The following ADCY2 variants were observed in gnomAD, a reference collection of about 807,000 sequenced individuals.
The protein encoded by ADCY2 is adenylate cyclase type 2.
Under a neutral mutation model 125.2 loss-of-function variants are expected in ADCY2, and 31 were observed. The ratio of observed to expected loss-of-function variants is 0.25; its 90% CI spans 0.19 to 0.33. The LOEUF is 0.33. Among genes scored for constraint, ADCY2 ranks in the 10% least tolerant of loss-of-function variants. ADCY2 has a pLI of 1.00. For synonymous variants in ADCY2, 512 were observed against 548.4 expected (o/e 0.93, Z 0.93); for missense variants, 904 against 1,418.2 (o/e 0.64, Z 5.82).
At chr5:7,637,431 CAAAAAAA>C (rs71591740) in intron 4 of ADCY2, among the ~76,000 whole-genome samples, 3 of 74,638 alleles carry the variant, frequency 4.0e-5, no homozygotes, top group Non-Finnish European at 5.8e-5. Flanking sequence ...GACTCCGTCT[CAAAAAAA>C]AAAAAAAAAA....
chr5:7,741,140 C>G (rs1025845865), intron 14 of ADCY2, among the ~76,000 whole-genome samples: 2 of 151,694 alleles, frequency 1.3e-5, no homozygotes, highest in African/African-American at 4.8e-5. Context: ...ATTTGAAAAT[C>G]TAAATGAAAT....
chr5:7,779,822 A>G (rs894159758), intron 18 of ADCY2, among the ~76,000 whole-genome samples: 1 of 152,306 alleles, frequency 6.6e-6, no homozygotes, highest in South Asian at 2.1e-4. Flanking sequence ...GCCAGAGAGG[A>G]GAGAATGCCC....
chr5:7,561,434 C>T (rs747527628), intron 3 of ADCY2, among the ~76,000 whole-genome samples: 1 of 152,018 alleles, frequency 6.6e-6, no homozygotes, highest in Admixed American at 6.6e-5. Flanking sequence ...CAATGGTAAG[C>T]GTTTGGGTAT....
chr5:7,573,075 C>G (rs977888285), intron 3 of ADCY2, among the ~76,000 whole-genome samples: 4 of 152,074 alleles, frequency 2.6e-5, no homozygotes, highest in African/African-American at 9.7e-5. Flanking sequence ...AAGAAGACGG[C>G]CATCTACAAT....
intron 22 of ADCY2, among the ~76,000 whole-genome samples, chr5:7,810,635 GGTTATCTACCTGA>G (rs1426165751): frequency 1.3e-5 from 2 of 151,360 alleles, no homozygotes; most frequent in Non-Finnish European, 2.9e-5. Context: ...CTGATGAGTG[GGTTATCTACCTGA>G]GTTATCTACC....
intron 2 of ADCY2, among the ~76,000 whole-genome samples, chr5:7,468,713 A>C (rs1420279901): frequency 6.6e-6 from 1 of 152,182 alleles, no homozygotes; most frequent in Non-Finnish European, 1.5e-5. Flanking sequence ...AGAAGTTAGC[A>C]TAAAAGGCAA....
chr5:7,826,908 C>T lies in ADCY2; in HGVS notation c.*37C>T. 6.4e-7 allele frequency: 1 copy of T among 1,573,118 alleles called. No homozygotes were observed. ...CATTTTGGCAAGAAGACTGTATTTT[C>T]AGGAAGGTATCACACACTTTCTGAC... On this transcript the variant is annotated 3_prime_UTR_variant, in exon 25 of 25. Coordinates refer to ENST00000338316, the MANE Select transcript of ADCY2 (RefSeq NM_020546.3).
At chr5:7,530,818 A>G (rs13174252) in intron 3 of ADCY2, among the ~76,000 whole-genome samples, 70,321 of 151,652 alleles carry the variant, frequency 0.46, 17,576 homozygotes, top group South Asian at 0.57. Context: ...GCTCGTTCTC[A>G]TCTCCACGTA....
intron 3 of ADCY2, among the ~76,000 whole-genome samples, chr5:7,538,223 T>G (rs1219416444): frequency 6.6e-6 from 1 of 152,214 alleles, no homozygotes; most frequent in Non-Finnish European, 1.5e-5. Flanking sequence ...AAAGATAGCA[T>G]GATCCATAAT....
At chr5:7,405,103 G>A (rs978661976) in intron 1 of ADCY2, among the ~76,000 whole-genome samples, 6 of 152,182 alleles carry the variant, frequency 3.9e-5, no homozygotes, top group African/African-American at 1.2e-4. Flanking sequence ...TGGGTGGTCA[G>A]TCTAAGGGGA....
At chr5:7,597,846 A>G (rs1223487663) in intron 3 of ADCY2, among the ~76,000 whole-genome samples, 3 of 152,048 alleles carry the variant, frequency 2.0e-5, no homozygotes, top group Non-Finnish European at 4.4e-5. Flanking sequence ...ATTCGTTCTC[A>G]CCCACTCACC....
chr5:7,694,640 G>A (rs1740829176), intron 5 of ADCY2, among the ~76,000 whole-genome samples: 1 of 152,176 alleles, frequency 6.6e-6, no homozygotes, highest in Non-Finnish European at 1.5e-5. Flanking sequence ...ATATTCCATT[G>A]TATGGATAGA....
At chr5:7,789,582 C>G in intron 19 of ADCY2, 60 bp from the exon 20 acceptor site, 1 of 1,507,092 alleles carries the variant, frequency 6.6e-7, no homozygotes, top group Non-Finnish European at 9.0e-7. Context: ...TTTAAAACCT[C>G]CACTCTCTGG....
At position 7,773,030 on chromosome 5, in the gene ADCY2, G is replaced by A. The variant is rs1420640013; in HGVS notation, c.2313G>A (p.Val771=). The part of the protein sequence containing the change: ...LKMLIMMVAL[V]GYNTILLHTH... ...TGTTGATCATGATGGTGGCCTTGGT[G>A]GGCTACAACACCATCCTACTCCACA... Residue 771 remains valine, a synonymous_variant, in exon 18 of 25, where the codon GTG becomes GTA. Transcript: ENST00000338316. 6 of 1,614,128 alleles carry A rather than the reference G, an allele frequency of 3.7e-6. No individual in the cohort carries two copies. The Middle Eastern group carries it at 6.6e-4, about 178-fold the overall frequency.
chr5:7,491,692 T>C (rs1743170645), intron 2 of ADCY2, among the ~76,000 whole-genome samples: 1 of 152,192 alleles, frequency 6.6e-6, no homozygotes, highest in South Asian at 2.1e-4. Flanking sequence ...CTACTTTATG[T>C]AACATATAAG....
chr5:7,412,964 A>G (rs1313066250), intron 1 of ADCY2, among the ~76,000 whole-genome samples: 1 of 152,206 alleles, frequency 6.6e-6, no homozygotes, highest in Non-Finnish European at 1.5e-5. Context: ...AGCATTTACC[A>G]TTCTTGTTGT....
At chr5:7,664,126 C>T (rs1739631579) in intron 4 of ADCY2, among the ~76,000 whole-genome samples, 1 of 152,114 alleles carries the variant, frequency 6.6e-6, no homozygotes, top group African/African-American at 2.4e-5. Flanking sequence ...TTATAGAAAC[C>T]ATCGAAATGG....
chr5:7,815,093 G>C (rs376058063), intron 22 of ADCY2, among the ~76,000 whole-genome samples: 4 of 152,148 alleles, frequency 2.6e-5, no homozygotes, highest in Non-Finnish European at 5.9e-5. Context: ...AATGCACAGC[G>C]GTCAGCTTTG....
chr5:7,760,938 C>T (rs1424588792), intron 16 of ADCY2, among the ~76,000 whole-genome samples: 1 of 152,162 alleles, frequency 6.6e-6, no homozygotes, highest in East Asian at 1.9e-4. Flanking sequence ...AACCACCATT[C>T]TACTCTCTGT....
Sources: allele counts gnomAD v4.1 joint callset (sites outside exome capture counted in the v4.1 genomes callset), GRCh38; gene constraint gnomAD v4.1.1; transcripts MANE v1.5; gene names NCBI Gene and HGNC (gene_info 2026-07-23, HGNC 2026-07-21).